Variants in NME7 observed in about 807,000 individuals in gnomAD.
NME7 encodes nucleoside diphosphate kinase 7.
NME7 carries 41 observed loss-of-function variants against 49.1 expected under a neutral mutation model. The observed-to-expected ratio is 0.83, with a 90% CI of 0.65 to 1.08. The LOEUF is 1.08. Among genes scored for constraint, NME7 ranks in the 50% least tolerant of loss-of-function variants. The pLI is 0.00. For missense variants in NME7, 423 were observed against 463.4 expected (o/e 0.91, Z 0.80); for synonymous variants, 139 against 150.6 (o/e 0.92, Z 0.56).
At chr1:169,242,147 T>G (rs1648115531) in intron 7 of NME7, among the ~76,000 whole-genome samples, 1 of 151,862 alleles carries the variant, frequency 6.6e-6, no homozygotes. Flanking sequence ...TTCCAATAAA[T>G]TTTAAATTTT....
chr1:169,198,884 C>T (rs1660464828), intron 10 of NME7, among the ~76,000 whole-genome samples: 1 of 152,002 alleles, frequency 6.6e-6, no homozygotes, highest in Admixed American at 6.5e-5. Flanking sequence ...ATGTATAGAC[C>T]TTGCTCAATT....
chr1:169,345,465 C>T (rs559552088), intron 1 of NME7, among the ~76,000 whole-genome samples: 1 of 151,524 alleles, frequency 6.6e-6, no homozygotes, highest in Admixed American at 6.6e-5. Context: ...CTCCTGGCCT[C>T]AAGTGATTCT....
rs10689301 is a variant in NME7, at chr1:169,150,763, G to GAA, written c.1099-17948_1099-17947dup. On this transcript the variant is annotated intron_variant, in intron 11 of 11. Transcript: ENST00000367811. ...ATGATGAGAAGAGAGGCTGGAAAAGGAAAAAAAAAAAAAAAAGAGGAGCAA... is the reference window on the plus strand; with the variant it reads ...ATGATGAGAAGAGAGGCTGGAAAAGGAAAAAAAAAAAAAAAAAAGAGGAGCAA... 6.6e-4 allele frequency among the ~76,000 whole-genome samples: 82 copies of GAA among 124,334 alleles called. 3 individuals are homozygous for GAA. The highest frequency in any genetic ancestry group is 9.2e-4 in the Non-Finnish European group (55 of 59,540). 81.6% of individuals were successfully genotyped at this position (124,334 alleles called of 152,430 possible).
intron 7 of NME7, among the ~76,000 whole-genome samples, chr1:169,240,230 T>C (rs927953415): frequency 1.3e-5 from 2 of 151,814 alleles, no homozygotes; most frequent in African/African-American, 4.8e-5. Context: ...GTGAGGAAAA[T>C]TATAATTTTT....
At chr1:169,253,050 T>C (rs549811627) in intron 7 of NME7, among the ~76,000 whole-genome samples, 7 of 151,786 alleles carry the variant, frequency 4.6e-5, no homozygotes, top group African/African-American at 7.2e-5. Context: ...TGCGGGCTCT[T>C]TTTTGGTTCC....
intron 11 of NME7, among the ~76,000 whole-genome samples, chr1:169,153,201 A>G (rs1658959185): frequency 6.6e-6 from 1 of 151,736 alleles, no homozygotes; most frequent in African/African-American, 2.4e-5. Flanking sequence ...AATAGAAACT[A>G]TTCAACAGAG....
chr1:169,206,075 C>T (rs146431528), intron 10 of NME7, among the ~76,000 whole-genome samples: 139 of 152,072 alleles, frequency 9.1e-4, no homozygotes, highest in Middle Eastern at 3.4e-3. Context: ...ACTATAAATC[C>T]CTCCCTTTTC....
chr1:169,265,051 T>G (rs1282996955), intron 7 of NME7, among the ~76,000 whole-genome samples: 1 of 132,542 alleles, frequency 7.5e-6, no homozygotes, highest in African/African-American at 2.5e-5. Context: ...TCGTGAGAAC[T>G]CACTAATTAT....
chr1:169,171,861 A>G (rs552581383), intron 10 of NME7, among the ~76,000 whole-genome samples: 1 of 149,782 alleles, frequency 6.7e-6, no homozygotes, highest in South Asian at 2.1e-4. Context: ...CATAGATGCC[A>G]GGGACATGCT....
chr1:169,239,769 T>C (rs565352022), intron 7 of NME7, among the ~76,000 whole-genome samples: 6 of 152,094 alleles, frequency 3.9e-5, no homozygotes, highest in Middle Eastern at 6.8e-3. Context: ...GAAGAATACA[T>C]ATTCAAGGCA....
intron 11 of NME7, among the ~76,000 whole-genome samples, chr1:169,156,417 T>C (rs76928459): frequency 0.034 from 5,172 of 152,230 alleles, 100 homozygotes; most frequent in Middle Eastern, 0.085. Context: ...TGAGACAAAA[T>C]GCCTGGAGAT....
At chr1:169,169,210 T>TGGGGGGGAGGGGGG in intron 11 of NME7, 1 of 177,654 alleles carries the variant, frequency 5.6e-6, no homozygotes, top group Non-Finnish European at 1.0e-5. Context: ...TGTCAGGGGG[T>TGGGGGGGAGGGGGG]GGGGGGGATA....
At chr1:169,227,990 T>A (rs1254254185) in intron 10 of NME7, among the ~76,000 whole-genome samples, 1 of 151,414 alleles carries the variant, frequency 6.6e-6, no homozygotes, top group Non-Finnish European at 1.5e-5. Flanking sequence ...TTACATAATA[T>A]ATATATATAA....
intron 7 of NME7, among the ~76,000 whole-genome samples, chr1:169,272,808 C>A (rs1471118702): frequency 2.3e-5 from 3 of 131,502 alleles, no homozygotes; most frequent in Non-Finnish European, 5.4e-5. Flanking sequence ...TGGGTATATA[C>A]CCAGTAATGG....
chr1:169,367,024 A>G (rs1182875137), intron 1 of NME7, among the ~76,000 whole-genome samples: 2 of 152,202 alleles, frequency 1.3e-5, no homozygotes, highest in African/African-American at 2.4e-5. Flanking sequence ...AAAATAACCT[A>G]TAGGCTTATT....
chr1:169,242,470 A>G (rs1648131430), intron 7 of NME7, among the ~76,000 whole-genome samples: 1 of 152,086 alleles, frequency 6.6e-6, no homozygotes, highest in South Asian at 2.1e-4. Flanking sequence ...TACAACTAAC[A>G]TAATAGTGAA....
chr1:169,221,101 C>A (rs1221796544), intron 10 of NME7, among the ~76,000 whole-genome samples: 3 of 152,080 alleles, frequency 2.0e-5, no homozygotes, highest in Non-Finnish European at 4.4e-5. Context: ...ATCAATTTAA[C>A]CTTCATCTAC....
intron 11 of NME7, among the ~76,000 whole-genome samples, chr1:169,163,685 T>C (rs1017588309): frequency 2.0e-5 from 3 of 152,166 alleles, no homozygotes; most frequent in Non-Finnish European, 2.9e-5. Flanking sequence ...AAAAATGCCC[T>C]TTTATGTTAA....
chr1:169,168,145 T>C (rs1557970668), intron 11 of NME7, among the ~76,000 whole-genome samples: 1 of 152,216 alleles, frequency 6.6e-6, no homozygotes, highest in Non-Finnish European at 1.5e-5. Flanking sequence ...CCTGGAGGTA[T>C]GCCATCATAT....
Sources: gnomAD v4.1 joint callset for allele counts (sites outside exome capture counted in the v4.1 genomes callset) on GRCh38, gnomAD v4.1.1 for gene constraint, MANE v1.5 for transcripts, NCBI Gene and HGNC (gene_info 2026-07-23, HGNC 2026-07-21) for gene names.